Variants in PIK3R5 observed in about 807,000 individuals in gnomAD.
The protein encoded by PIK3R5 is phosphoinositide 3-kinase regulatory subunit 5.
Under a neutral mutation model 94.9 loss-of-function variants are expected in PIK3R5, and 32 were observed. That is an observed-to-expected ratio of 0.34 (90% CI 0.25 to 0.45). The LOEUF is 0.45. PIK3R5 is among the 20% of genes least tolerant of loss of function. PIK3R5 has a pLI of 1.00. For synonymous variants in PIK3R5, 443 were observed against 479.4 expected (o/e 0.92, Z 0.99); for missense variants, 853 against 1,144.6 (o/e 0.75, Z 3.68).
chr17:8,886,041 C>T (rs2089840259), intron 14 of PIK3R5, among the ~76,000 whole-genome samples, 188 bp downstream of exon 14: 1 of 151,308 alleles, frequency 6.6e-6, no homozygotes. Flanking sequence ...CCCAGGGCCC[C>T]GCCTACCGGG....
At chr17:8,940,562 T>G (rs189903382) in intron 1 of PIK3R5, among the ~76,000 whole-genome samples, 1 of 145,934 alleles carries the variant, frequency 6.9e-6, no homozygotes, top group East Asian at 1.9e-4. Flanking sequence ...TTGTTTTTTG[T>G]TTTTGTTTTT....
At position 8,914,019 on chromosome 17, in the gene PIK3R5, A is replaced by G. The variant is rs199564244; in HGVS notation, c.-13-2512T>C. Among the ~76,000 whole-genome samples, 30 of 152,342 alleles carry G rather than the reference A, an allele frequency of 2.0e-4. No individual in the cohort carries two copies. The East Asian group carries it at 5.6e-3, about 28-fold the overall frequency. ...TGCCTCCCATGGCAGCCCGACCACA[A>G]GACCCTCTGGAGGTGGGTCCTATTC... On this transcript the variant is annotated intron_variant, in intron 1 of 18. Coordinates refer to ENST00000447110, the MANE Select transcript of PIK3R5 (RefSeq NM_001142633.3).
chr17:8,889,981 C>T lies in PIK3R5; in HGVS notation c.803G>A (p.Gly268Glu), dbSNP rs2151373606. The change falls in exon 8 of 19, where the codon GGG (glycine) becomes GAG (glutamate). Residue 268 changes from glycine (G) to glutamate (E), a missense_variant. Transcript: ENST00000447110. The surrounding 1 kb of genome is among the most constrained non-coding windows in gnomAD (Gnocchi z 4.1). ...QAVGEKAGFP[G>E]VLDTAKPGKL... ...TCTCCCAAGAGCCTCACCTAACACCCCAGGGAAGCCAGCTTTTTCTCCCAC... is the reference window on the plus strand; with the variant it reads ...TCTCCCAAGAGCCTCACCTAACACCTCAGGGAAGCCAGCTTTTTCTCCCAC... 6.2e-7 allele frequency: 1 copy of T among 1,613,740 alleles called. No homozygotes were observed. Among genetic ancestry groups the T allele is most frequent in the South Asian group, 1.1e-5 (1 of 91,076 alleles).
chr17:8,906,175 G>A (rs1029823939), intron 3 of PIK3R5, among the ~76,000 whole-genome samples: 3 of 152,012 alleles, frequency 2.0e-5, no homozygotes. Flanking sequence ...TCCCCGACAG[G>A]CCCCGGTGTG....
rs865940933 is a variant in PIK3R5 at position 8,892,333 on chromosome 17, G to A, written c.482+1253C>T. Among the ~76,000 whole-genome samples the A allele has an allele frequency of 4.6e-5, 7 of 152,130 alleles. No homozygotes were observed. The highest frequency in any genetic ancestry group is 3.4e-3 in the Middle Eastern group (1 of 294). ...AAGCAGCCCCTTACAACCTTGTAAC[G>A]AGCCCAGCCGAGCCCCTGCCCTCAC... On this transcript the variant is annotated intron_variant, in intron 6 of 18. Coordinates refer to ENST00000447110, the MANE Select transcript of PIK3R5 (RefSeq NM_001142633.3). The surrounding 1 kb of genome is among the most constrained non-coding windows in gnomAD (Gnocchi z 4.3).
chr17:8,947,974 C>T (rs560635457), intron 1 of PIK3R5, among the ~76,000 whole-genome samples: 5 of 133,698 alleles, frequency 3.7e-5, no homozygotes, highest in Admixed American at 8.6e-5. Flanking sequence ...ACCCGGGAGG[C>T]GGAGCTTGCA....
At chr17:8,962,313 G>C (rs1359832623) in intron 1 of PIK3R5, among the ~76,000 whole-genome samples, 3 of 152,190 alleles carry the variant, frequency 2.0e-5, no homozygotes, top group African/African-American at 7.2e-5. Flanking sequence ...AACGAAGCAT[G>C]AATGTACAAA....
intron 1 of PIK3R5, among the ~76,000 whole-genome samples, chr17:8,946,411 C>T (rs2091270968): frequency 6.6e-6 from 1 of 151,928 alleles, no homozygotes; most frequent in South Asian, 2.1e-4. Context: ...ATCCACCAGG[C>T]ACCTATGAAA....
Position 8,890,729 on chromosome 17 carries a change from G to C in PIK3R5, c.657+9C>G, listed in dbSNP as rs775521827. The C allele has an allele frequency of 6.2e-7, 1 of 1,601,768 alleles. No homozygotes were observed. The highest frequency in any genetic ancestry group is 8.5e-7 in the Non-Finnish European group (1 of 1,174,494). ...TGCTCCACCAGAGCCCCAGGCCCCAGGTACATACCTGTAGCCTGCAGTGCA... is the reference window on the plus strand; with the variant it reads ...TGCTCCACCAGAGCCCCAGGCCCCACGTACATACCTGTAGCCTGCAGTGCA... On this transcript the variant is annotated intron_variant, in intron 7 of 18. Coordinates refer to ENST00000447110, the MANE Select transcript of PIK3R5 (RefSeq NM_001142633.3). This position sits in a 1 kb window ranked among gnomAD's most constrained non-coding sequence, Gnocchi z 6.1.
At chr17:8,931,304 C>T (rs2090983435) in intron 1 of PIK3R5, among the ~76,000 whole-genome samples, 1 of 152,058 alleles carries the variant, frequency 6.6e-6, no homozygotes. Context: ...AGAGTCCACC[C>T]AAAAGAAGGG....
At chr17:8,929,374 G>A (rs879840289) in intron 1 of PIK3R5, among the ~76,000 whole-genome samples, 3 of 152,096 alleles carry the variant, frequency 2.0e-5, no homozygotes, top group African/African-American at 4.8e-5. Context: ...TATATATCGT[G>A]CAAGCATTAA....
intron 1 of PIK3R5, among the ~76,000 whole-genome samples, chr17:8,936,212 A>G (rs2065341647): frequency 6.6e-6 from 1 of 152,214 alleles, no homozygotes; most frequent in Non-Finnish European, 1.5e-5. Flanking sequence ...TATTATTAAT[A>G]TCTTCCATTA....
rs535500184 is a variant in PIK3R5, at chr17:8,900,018, A to G, written c.412+4759T>C. On this transcript the variant is annotated intron_variant, in intron 5 of 18. Transcript: ENST00000447110. ...GTGCCACTGCATTCCAGCCTGGGTG[A>G]CAGAGCGAGATTCCATCTTAAAAAA... 9.2e-5 allele frequency among the ~76,000 whole-genome samples: 14 copies of G among 152,124 alleles called. No individual in the cohort carries two copies. The South Asian group carries it at 1.2e-3, about 14-fold the overall frequency.
rs1316548273 is a variant in PIK3R5 at position 8,881,496 on chromosome 17, C to T, written c.2382+134G>A. The T allele has an allele frequency of 2.7e-6, 2 of 745,910 alleles. No individual in the cohort carries two copies. Among genetic ancestry groups the T allele is most frequent in the Non-Finnish European group, 4.7e-6 (2 of 429,834 alleles). The allele number at this position is 745,910 out of a possible 1,614,324, so 46.2% of individuals were successfully genotyped here. A position where few individuals can be genotyped will look rare whatever the true frequency, so the allele number is the denominator to read the frequency against. On this transcript the variant is annotated intron_variant, in intron 17 of 18. Transcript: ENST00000447110. The surrounding 1 kb of genome is among the most constrained non-coding windows in gnomAD (Gnocchi z 4.8). ...CTCTCCTCTCTCTCTCACACACACA[C>T]AAGTATGTACACACGGGTGTGTATG...
intron 5 of PIK3R5, among the ~76,000 whole-genome samples, chr17:8,901,729 C>G (rs539165490): frequency 6.6e-6 from 1 of 152,154 alleles, no homozygotes; most frequent in Non-Finnish European, 1.5e-5. Flanking sequence ...CTTTTTCGCT[C>G]AACTAGTTAT....
chr17:8,941,891 A>C (rs762973929), intron 1 of PIK3R5, among the ~76,000 whole-genome samples: 16 of 152,256 alleles, frequency 1.1e-4, no homozygotes, highest in Non-Finnish European at 1.8e-4. Context: ...AGGGGAAAAC[A>C]GAAAGATCCC....
chr17:8,925,493 T>C lies in PIK3R5; in HGVS notation c.-13-13986A>G, dbSNP rs940797313. On this transcript the variant is annotated intron_variant, in intron 1 of 18. Transcript: ENST00000447110. The surrounding 1 kb of genome is among the most constrained non-coding windows in gnomAD (Gnocchi z 5.1). ...GATAGATAGATAGTAGATGGATAGA[T>C]AGTAGATGGATAGATAGTAGATGGA... is the stretch of plus-strand genomic sequence containing the variant. Among the ~76,000 whole-genome samples the C allele has an allele frequency of 2.0e-5, 3 of 150,760 alleles. No homozygotes were observed. The highest frequency in any genetic ancestry group is 2.9e-5 in the Non-Finnish European group (2 of 67,812).
At chr17:8,949,750 T>C (rs1029212356) in intron 1 of PIK3R5, among the ~76,000 whole-genome samples, 1 of 152,140 alleles carries the variant, frequency 6.6e-6, no homozygotes, top group South Asian at 2.1e-4. Flanking sequence ...CAATGGATTT[T>C]GGGGACTTAG....
At chr17:8,923,298 T>C (rs2090791624) in intron 1 of PIK3R5, among the ~76,000 whole-genome samples, 1 of 152,174 alleles carries the variant, frequency 6.6e-6, no homozygotes, top group South Asian at 2.1e-4. Flanking sequence ...GACAACAGGA[T>C]GTACAATGTC....
Sources: allele counts gnomAD v4.1 joint callset (sites outside exome capture counted in the v4.1 genomes callset), GRCh38; gene constraint gnomAD v4.1.1; non-coding constraint Gnocchi (gnomAD v3.1); transcripts MANE v1.5; gene names NCBI Gene and HGNC (gene_info 2026-07-23, HGNC 2026-07-21).